Variants in TMEM59 observed in about 807,000 individuals in gnomAD.
TMEM59 encodes the protein dendritic cell factor 1.
In TMEM59, 44 loss-of-function variants were observed where a neutral mutation model predicts 42.2. The observed-to-expected ratio is 1.04, with a 90% CI of 0.82 to 1.34. TMEM59 has a LOEUF of 1.34. Among genes scored for constraint, TMEM59 ranks in the 40% most tolerant of loss-of-function variants. The probability of loss-of-function intolerance (pLI) is 0.00; values close to 1 mark genes in which losing one functional copy is unlikely to be tolerated. For missense variants in TMEM59, 359 were observed against 382.8 expected (o/e 0.94, Z 0.52); for synonymous variants, 148 against 145.8 (o/e 1.02, Z -0.11).
At position 54,029,756 on chromosome 1, in the gene TMEM59, GCT is replaced by G. The variant is rs1656706943; in HGVS notation, c.*2392_*2393del. 1 of 152,086 alleles carries G rather than the reference GCT, an allele frequency of 6.6e-6. No individual in the cohort carries two copies. The highest frequency in any genetic ancestry group is 2.4e-5 in the African/African-American group (1 of 41,408). The allele number at this position is 152,086 out of a possible 1,614,324, so 9.4% of individuals were successfully genotyped here. A position where few individuals can be genotyped will look rare whatever the true frequency, so the allele number is the denominator to read the frequency against. ...GTCAGAAAATCAACACTACAATCCAGCTTCCCAAACAGAAGACTATATTTCCC... is the reference window on the plus strand; with the variant it reads ...GTCAGAAAATCAACACTACAATCCAGTCCCAAACAGAAGACTATATTTCCC... On this transcript the variant is annotated 3_prime_UTR_variant, in exon 8 of 8. Transcript: ENST00000234831.
chr1:54,037,997 A>G (rs1419310117), intron 6 of TMEM59, among the ~76,000 whole-genome samples: 2 of 152,184 alleles, frequency 1.3e-5, no homozygotes, highest in African/African-American at 2.4e-5. Flanking sequence ...TAGATCCTAC[A>G]GATTTTCAAC....
At chr1:54,041,686 C>G in intron 5 of TMEM59, 38 bp downstream of exon 5, 1 of 1,535,494 alleles carries the variant, frequency 6.5e-7, no homozygotes, top group Non-Finnish European at 9.0e-7. Context: ...GATTTGACTG[C>G]TAATGTTTTT....
At position 54,028,470 on chromosome 1, in the gene TMEM59, G is replaced by C. The variant is rs1163760441; in HGVS notation, c.*3680C>G. On this transcript the variant is annotated 3_prime_UTR_variant, in exon 8 of 8. Coordinates refer to ENST00000234831, the MANE Select transcript of TMEM59 (RefSeq NM_004872.5). ...TTCAGTGGCTCTCTACTGTGCTCAG[G>C]ATCAAGTGCAGGTTTAAAGTGCAGG... 1 of 152,128 alleles carries C rather than the reference G, an allele frequency of 6.6e-6. No individual in the cohort carries two copies. The highest frequency in any genetic ancestry group is 1.5e-5 in the Non-Finnish European group (1 of 68,092). The allele number at this position is 152,128 out of a possible 1,614,324, so 9.4% of individuals were successfully genotyped here.
At chr1:54,037,485 T>C (rs373619316) in intron 6 of TMEM59, among the ~76,000 whole-genome samples, 9 of 152,364 alleles carry the variant, frequency 5.9e-5, no homozygotes, top group East Asian at 5.8e-4. Flanking sequence ...CTGGAGTTTT[T>C]TTCATAATTG....
chr1:54,032,322 A>G lies in TMEM59; in HGVS notation c.817-17T>C, dbSNP rs368766614. On this transcript the variant is annotated splice_polypyrimidine_tract_variant and intron_variant, in intron 7 of 7. Coordinates refer to ENST00000234831, the MANE Select transcript of TMEM59 (RefSeq NM_004872.5). ...ACTCAGCTTCTGCAAAAGAAAACCA[A>G]TGTACATTAGTAGTCTGGATAATTA... 4.8e-5 allele frequency: 76 copies of G among 1,592,516 alleles called. No individual in the cohort carries two copies. The highest frequency in any genetic ancestry group is 6.2e-5 in the Non-Finnish European group (72 of 1,169,326).
intron 3 of TMEM59, 48 bp downstream of exon 3, chr1:54,045,644 T>C: frequency 1.3e-6 from 2 of 1,553,948 alleles, no homozygotes; most frequent in Non-Finnish European, 1.8e-6. Context: ...GCAATACAAG[T>C]CAGTGCCATC....
rs974945122 is a variant in TMEM59 at position 54,047,191 on chromosome 1, A to G, written c.295+76T>C. On this transcript the variant is annotated intron_variant, in intron 2 of 7. Transcript: ENST00000234831. ...TTCAACAGTGTGTTTTCCATTTCCT[A>G]AAGAAAATACTTCAAAAGCTTATCA... is the stretch of plus-strand genomic sequence containing the variant. 7.3e-6 allele frequency: 9 copies of G among 1,232,378 alleles called. No individual in the cohort carries two copies. The African/African-American group carries it at 1.1e-4, about 15-fold the overall frequency. 76.3% of individuals were successfully genotyped at this position (1,232,378 alleles called of 1,614,324 possible). A position where few individuals can be genotyped will look rare whatever the true frequency, so the allele number is the denominator to read the frequency against.
In TMEM59 at chr1:54,053,056, T is replaced by C. The variant is rs370820590; in HGVS notation, c.133A>G (p.Thr45Ala). 5.0e-6 allele frequency: 8 copies of C among 1,613,880 alleles called. No homozygotes were observed. The East Asian group carries it at 6.7e-5, about 13-fold the overall frequency. Residue 45 changes from threonine to alanine, a missense_variant, in exon 1 of 8, where the codon ACG becomes GCG. Transcript: ENST00000234831. ...TGACAGGCCCGGTGGCAAGACGCCGTATCACCCAAGACCGAGTCAAATGCT... is the reference window on the plus strand; with the variant it reads ...TGACAGGCCCGGTGGCAAGACGCCGCATCACCCAAGACCGAGTCAAATGCT... ...AEAFDSVLGDTASCHRACQLT... is the reference protein window; with the variant it reads ...AEAFDSVLGDAASCHRACQLT...
chr1:54,044,359 A>AAAAAAAAC, intron 3 of TMEM59: 1 of 151,052 alleles, frequency 6.6e-6, no homozygotes, highest in African/African-American at 2.4e-5. Context: ...AAAAAAAAAA[A>AAAAAAAAC]AGGATTTTGA....
chr1:54,050,946 C>A (rs564458353), intron 1 of TMEM59, among the ~76,000 whole-genome samples: 2 of 152,048 alleles, frequency 1.3e-5, no homozygotes, highest in Admixed American at 6.6e-5. Context: ...GCGACCTGCG[C>A]CTCCCAGGCT....
In TMEM59 at chr1:54,031,838, T is replaced by C. The variant is rs1183656336; in HGVS notation, c.*312A>G. On this transcript the variant is annotated 3_prime_UTR_variant, in exon 8 of 8. Transcript: ENST00000234831. ...TTAACTAAGGTAACTGACAGTATCA[T>C]GGCAGGAGGTGAGAAGGAGCAATGA... 3.8e-5 allele frequency: 7 copies of C among 186,550 alleles called. No individual in the cohort carries two copies. In the Admixed American group the frequency reaches 4.2e-4, roughly 11 times the overall value. 11.6% of individuals were successfully genotyped at this position (186,550 alleles called of 1,614,324 possible).
chr1:54,042,063 T>G (rs1657159922), intron 4 of TMEM59, among the ~76,000 whole-genome samples: 2 of 151,806 alleles, frequency 1.3e-5, no homozygotes, highest in South Asian at 2.1e-4. Flanking sequence ...TTTGTTTTTT[T>G]TTTTTTTTAA....
intron 6 of TMEM59, among the ~76,000 whole-genome samples, chr1:54,039,993 C>T (rs1196154638): frequency 1.3e-5 from 2 of 152,046 alleles, no homozygotes; most frequent in South Asian, 2.1e-4. Flanking sequence ...TTTACCATTA[C>T]CCTTAAAAAC....
At chr1:54,042,913 T>C (rs1657190282) in intron 4 of TMEM59, among the ~76,000 whole-genome samples, 1 of 152,204 alleles carries the variant, frequency 6.6e-6, no homozygotes, top group South Asian at 2.1e-4. Flanking sequence ...AACGATGAGA[T>C]AGGAGACATT....
rs1166266047 is a variant in TMEM59 at position 54,052,848 on chromosome 1, C to T, written c.189+152G>A. On this transcript the variant is annotated intron_variant, in intron 1 of 7. Coordinates refer to ENST00000234831, the MANE Select transcript of TMEM59 (RefSeq NM_004872.5). ...AATGACAGCAGAAATGGGGTGCAGG[C>T]AGGATTAGGGAGGAAAACAGGAGCT... 4 of 827,082 alleles carry T rather than the reference C, an allele frequency of 4.8e-6. No individual in the cohort carries two copies. In the African/African-American group the frequency reaches 6.9e-5, roughly 14 times the overall value. 51.2% of individuals were successfully genotyped at this position (827,082 alleles called of 1,614,324 possible). A position where few individuals can be genotyped will look rare whatever the true frequency, so the allele number is the denominator to read the frequency against.
chr1:54,041,451 G>A (rs1657134248), intron 5 of TMEM59, among the ~76,000 whole-genome samples: 1 of 152,168 alleles, frequency 6.6e-6, no homozygotes, highest in Non-Finnish European at 1.5e-5. Context: ...GTGGCCCCCA[G>A]GCCAGCAGCA....
chr1:54,040,349 C>T (rs1240618251), intron 6 of TMEM59, among the ~76,000 whole-genome samples: 3 of 151,974 alleles, frequency 2.0e-5, no homozygotes, highest in Non-Finnish European at 2.9e-5. Flanking sequence ...GATGGGGTGT[C>T]GCCATGTTGG....
At position 54,026,916 on chromosome 1, in the gene TMEM59, C is replaced by A. The variant is rs1039097621; in HGVS notation, c.*5234G>T. 1.3e-5 allele frequency: 2 copies of A among 152,054 alleles called. No homozygotes were observed. The highest frequency in any genetic ancestry group is 2.4e-5 in the African/African-American group (1 of 41,378). 9.4% of individuals were successfully genotyped at this position (152,054 alleles called of 1,614,324 possible). On this transcript the variant is annotated 3_prime_UTR_variant, in exon 8 of 8. Coordinates refer to ENST00000234831, the MANE Select transcript of TMEM59 (RefSeq NM_004872.5). Reference sequence around the variant, plus strand: ...AACCATTCAAGCATAAAAAAGCATGCAAGAGGCAGTAAAATAAGCCCAAAT... The same window carrying A: ...AACCATTCAAGCATAAAAAAGCATGAAAGAGGCAGTAAAATAAGCCCAAAT...
At chr1:54,032,393 T>TTA in intron 7 of TMEM59, 88 bp from the exon 8 acceptor site, 1 of 1,245,690 alleles carries the variant, frequency 8.0e-7, no homozygotes, top group Non-Finnish European at 1.0e-6. Context: ...AATTTATAAA[T>TTA]AGTTGGTAAA....
Sources: gnomAD v4.1 joint callset for allele counts (sites outside exome capture counted in the v4.1 genomes callset) on GRCh38, gnomAD v4.1.1 for gene constraint, MANE v1.5 for transcripts, NCBI Gene and HGNC (gene_info 2026-07-23, HGNC 2026-07-21) for gene names.